Variants in PSMD11 observed in about 807,000 individuals in gnomAD.
PSMD11 encodes the protein 26S proteasome non-ATPase regulatory subunit 11.
A neutral mutation model predicts 62.3 loss-of-function variants in PSMD11; 5 were observed. The ratio of observed to expected loss-of-function variants is 0.08; its 90% CI spans 0.04 to 0.17. The LOEUF is 0.17. PSMD11 is among the 10% of genes least tolerant of loss of function. The probability of loss-of-function intolerance (pLI) is 1.00; values close to 1 mark genes in which losing one functional copy is unlikely to be tolerated. For missense variants in PSMD11, 310 were observed against 512.9 expected, an observed-to-expected ratio of 0.60 and a Z score of 3.82; for synonymous variants, 191 against 191.8, an observed-to-expected ratio of 1.00 and a Z score of 0.03.
intron 5 of PSMD11, among the ~76,000 whole-genome samples, chr17:32,467,241 C>T (rs867701944): frequency 2.2e-4 from 31 of 138,174 alleles, no homozygotes; most frequent in Middle Eastern, 9.1e-3. Flanking sequence ...CCATGCCCGG[C>T]CTTTTTTTTT....
intron 3 of PSMD11, among the ~76,000 whole-genome samples, chr17:32,460,823 G>A (rs1383973245): frequency 2.6e-5 from 4 of 151,808 alleles, no homozygotes; most frequent in Non-Finnish European, 4.4e-5. Context: ...AAGTTGGTAT[G>A]ATTCAGGTTA....
At chr17:32,476,625 GAT>G (rs1908330868) in intron 8 of PSMD11, 1 of 152,236 alleles carries the variant, frequency 6.6e-6, no homozygotes, top group Non-Finnish European at 1.5e-5. Flanking sequence ...CTCCCAGAAA[GAT>G]GAGTGTTGCA....
intron 1 of PSMD11, among the ~76,000 whole-genome samples, chr17:32,446,332 G>C (rs1258039496): frequency 6.6e-6 from 1 of 152,176 alleles, no homozygotes; most frequent in East Asian, 1.9e-4. Flanking sequence ...TATTTTAACA[G>C]ACCTCAATGC....
At chr17:32,471,386 G>A (rs1908157576) in intron 6 of PSMD11, among the ~76,000 whole-genome samples, 1 of 152,192 alleles carries the variant, frequency 6.6e-6, no homozygotes, top group Admixed American at 6.5e-5. Flanking sequence ...GTATAATTAA[G>A]TTCATGGATT....
intron 2 of PSMD11, 93 bp from the exon 3 acceptor site, chr17:32,454,402 A>G: frequency 1.5e-6 from 2 of 1,310,620 alleles, no homozygotes; most frequent in South Asian, 1.3e-5. Flanking sequence ...TGATGTAAGT[A>G]CCGATTTTTA....
chr17:32,460,523 C>T (rs1459507766), intron 3 of PSMD11, among the ~76,000 whole-genome samples: 1 of 152,000 alleles, frequency 6.6e-6, no homozygotes, highest in Non-Finnish European at 1.5e-5. Flanking sequence ...GCCTGTGGTC[C>T]CAGCACTTTG....
At chr17:32,468,963 G>C in intron 5 of PSMD11, 36 bp from the exon 6 acceptor site, 1 of 1,588,274 alleles carries the variant, frequency 6.3e-7, no homozygotes. Flanking sequence ...GTATTAAGCT[G>C]ATGGCTATAA....
At chr17:32,473,361 C>G (rs1908227525) in intron 6 of PSMD11, among the ~76,000 whole-genome samples, 1 of 151,798 alleles carries the variant, frequency 6.6e-6, no homozygotes, top group African/African-American at 2.4e-5. Flanking sequence ...ACCGCAACCT[C>G]CGCTTCCTGG....
chr17:32,483,294 TAAATA>T lies in PSMD11; in HGVS notation c.*2548_*2552del, dbSNP rs1346463345. Reference sequence around the variant, plus strand: ...TGTTGAAATATTTTGGGTATTGGGTTAAATAAAATATATTATTAAAATTCACCTGT... The same window carrying T: ...TGTTGAAATATTTTGGGTATTGGGTTAAATATATTATTAAAATTCACCTGT... On this transcript the variant is annotated 3_prime_UTR_variant, in exon 14 of 14. Coordinates refer to ENST00000261712, the MANE Select transcript of PSMD11 (RefSeq NM_002815.4). 1 of 152,274 alleles carries T rather than the reference TAAATA, an allele frequency of 6.6e-6. No homozygotes were observed. Among genetic ancestry groups the T allele is most frequent in the Non-Finnish European group, 1.5e-5 (1 of 68,046 alleles). 9.4% of individuals were successfully genotyped at this position (152,274 alleles called of 1,614,324 possible). A position where few individuals can be genotyped will look rare whatever the true frequency, so the allele number is the denominator to read the frequency against.
chr17:32,445,008 C>G (rs1907288808), intron 1 of PSMD11: 2 of 238,772 alleles, frequency 8.4e-6, no homozygotes, highest in Non-Finnish European at 1.6e-5. Flanking sequence ...CTTGAAAGGC[C>G]TTGGCGAAAC....
intron 2 of PSMD11, among the ~76,000 whole-genome samples, chr17:32,450,699 A>C (rs1907468010): frequency 6.6e-6 from 1 of 152,104 alleles, no homozygotes; most frequent in Non-Finnish European, 1.5e-5. Flanking sequence ...AAGTGGAAGG[A>C]AACAGGAAAT....
At chr17:32,461,919 C>T (rs1054626143) in intron 3 of PSMD11, among the ~76,000 whole-genome samples, 2 of 152,104 alleles carry the variant, frequency 1.3e-5, no homozygotes, top group Non-Finnish European at 2.9e-5. Flanking sequence ...CACCAGGGGG[C>T]TCCAATGAGG....
intron 3 of PSMD11, among the ~76,000 whole-genome samples, chr17:32,457,861 T>TG (rs1245544213): frequency 6.6e-6 from 1 of 151,514 alleles, no homozygotes. Context: ...AGTGCAGTGT[T>TG]GCGATCTTGG....
chr17:32,454,306 T>C (rs980965635), intron 2 of PSMD11, among the ~76,000 whole-genome samples, 189 bp from the exon 3 acceptor site: 4 of 152,190 alleles, frequency 2.6e-5, no homozygotes, highest in African/African-American at 9.7e-5. Context: ...GCAAATTTGG[T>C]ATATGATGTT....
intron 9 of PSMD11, 30 bp downstream of exon 9, chr17:32,477,613 G>A: frequency 6.4e-7 from 1 of 1,559,746 alleles, no homozygotes; most frequent in Non-Finnish European, 8.8e-7. Context: ...GGTATGGAAT[G>A]TGAGTGGAAG....
intron 10 of PSMD11, 63 bp from the exon 11 acceptor site, chr17:32,479,788 C>A: frequency 6.5e-7 from 1 of 1,546,066 alleles, no homozygotes; most frequent in South Asian, 1.1e-5. Flanking sequence ...TGTTCCCTCC[C>A]TTCTCTTATT....
chr17:32,459,115 CATATAT>C (rs10595066), intron 3 of PSMD11, among the ~76,000 whole-genome samples: 22 of 111,878 alleles, frequency 2.0e-4, no homozygotes, highest in East Asian at 9.4e-4. Context: ...AAAAAAAATA[CATATAT>C]ATATATATAT....
At position 32,473,828 on chromosome 17, in the gene PSMD11, A is replaced by G; in HGVS notation, c.671A>G (p.Asp224Gly). The change falls in exon 7 of 14, where the codon GAC (aspartate) becomes GGC (glycine). Residue 224 changes from aspartate to glycine, a missense_variant. Transcript: ENST00000261712. ...SGIIHAAEEK[D>G]WKTAYSYFYE... ...ATTATCCATGCAGCAGAAGAGAAGG[A>G]CTGGAAAACTGCGTACTCATACTTC... The G allele has an allele frequency of 1.2e-6, 2 of 1,613,882 alleles. No individual in the cohort carries two copies. The highest frequency in any genetic ancestry group is 1.7e-6 in the Non-Finnish European group (2 of 1,179,774).
At chr17:32,467,718 C>T (rs1908038553) in intron 5 of PSMD11, among the ~76,000 whole-genome samples, 1 of 151,992 alleles carries the variant, frequency 6.6e-6, no homozygotes, top group African/African-American at 2.4e-5. Context: ...CTCCAGCAAT[C>T]CTCCTGCCTC....
Sources: allele counts gnomAD v4.1 joint callset (sites outside exome capture counted in the v4.1 genomes callset), GRCh38; gene constraint gnomAD v4.1.1; transcripts MANE v1.5; gene names NCBI Gene and HGNC (gene_info 2026-07-23, HGNC 2026-07-21).